NMT2: variants seen among roughly 807,000 people sequenced by gnomAD.
NMT2 encodes the protein glycylpeptide N-tetradecanoyltransferase 2.
NMT2 carries 35 observed loss-of-function variants against 65.4 expected under a neutral mutation model. That is an observed-to-expected ratio of 0.54 (90% CI 0.41 to 0.71). The LOEUF (loss-of-function observed/expected upper bound fraction) is 0.71. Ranked by LOEUF, NMT2 falls within the 30% of genes least tolerant of loss-of-function variation. NMT2 has a pLI of 0.00. For synonymous variants in NMT2, 226 were observed against 231.8 expected, an observed-to-expected ratio of 0.98 and a Z score of 0.23; for missense variants, 489 against 611.3, an observed-to-expected ratio of 0.80 and a Z score of 2.11.
intron 8 of NMT2, among the ~76,000 whole-genome samples, 178 bp from the exon 9 acceptor site, chr10:15,119,691 A>C (rs1845860271): frequency 6.6e-6 from 1 of 152,152 alleles, no homozygotes; most frequent in Non-Finnish European, 1.5e-5. Flanking sequence ...ACTCAACAAG[A>C]TTTCCTTGGG....
intron 1 of NMT2, chr10:15,154,869 A>C (rs755166599): frequency 1.2e-6 from 1 of 803,040 alleles, no homozygotes; most frequent in South Asian, 1.3e-5. Flanking sequence ...ATAGCGCTTC[A>C]TGGCCTCCAC....
intron 1 of NMT2, among the ~76,000 whole-genome samples, chr10:15,168,083 G>A (rs955370382): frequency 7.2e-5 from 11 of 152,296 alleles, no homozygotes; most frequent in Middle Eastern, 3.4e-3. Flanking sequence ...AACAAGGATG[G>A]CAGGGAGCAG....
intron 1 of NMT2, among the ~76,000 whole-genome samples, chr10:15,159,852 G>A (rs555179045): frequency 6.6e-6 from 1 of 152,318 alleles, no homozygotes; most frequent in African/African-American, 2.4e-5. Flanking sequence ...CCACAGCTTG[G>A]GGCAGGAGAA....
At chr10:15,140,813 A>G (rs937758429) in intron 2 of NMT2, among the ~76,000 whole-genome samples, 15 of 152,216 alleles carry the variant, frequency 9.9e-5, no homozygotes, top group African/African-American at 3.4e-4. Context: ...CCAGACACCC[A>G]CGCAGTACAA....
intron 1 of NMT2, among the ~76,000 whole-genome samples, 195 bp from the exon 2 acceptor site, chr10:15,141,752 C>A (rs1846776212): frequency 1.3e-5 from 2 of 152,168 alleles, no homozygotes; most frequent in African/African-American, 4.8e-5. Context: ...ATACCAGCCC[C>A]CGCTCAGTCA....
At chr10:15,128,540 A>C in intron 7 of NMT2, 82 bp from the exon 8 acceptor site, 1 of 855,010 alleles carries the variant, frequency 1.2e-6, no homozygotes, top group Admixed American at 2.0e-5. Flanking sequence ...TGGCTGTTAC[A>C]TAAGCATTTA....
At chr10:15,137,368 C>T (rs1279564483) in intron 2 of NMT2, among the ~76,000 whole-genome samples, 1 of 152,006 alleles carries the variant, frequency 6.6e-6, no homozygotes, top group Non-Finnish European at 1.5e-5. Context: ...ATTTGTTTAA[C>T]ATCAAAATCA....
chr10:15,129,907 CAAAAAAAAAA>C (rs753710829), intron 7 of NMT2, among the ~76,000 whole-genome samples: 25 of 57,204 alleles, frequency 4.4e-4, no homozygotes, highest in Non-Finnish European at 8.7e-4. Context: ...GAGTCTGCCT[CAAAAAAAAAA>C]AAAAAAAAAA....
chr10:15,134,936 T>C (rs1263623624), intron 3 of NMT2, among the ~76,000 whole-genome samples: 1 of 152,076 alleles, frequency 6.6e-6, no homozygotes, highest in Non-Finnish European at 1.5e-5. Context: ...CAGTGAGCTA[T>C]GATCATGCCA....
At chr10:15,128,713 A>C (rs1306642060) in intron 7 of NMT2, among the ~76,000 whole-genome samples, 2 of 152,218 alleles carry the variant, frequency 1.3e-5, no homozygotes, top group Admixed American at 1.3e-4. Flanking sequence ...CTGCAAAGGA[A>C]ATATTAGTTG....
intron 8 of NMT2, among the ~76,000 whole-genome samples, chr10:15,122,580 C>T (rs1314246441): frequency 1.3e-5 from 2 of 152,128 alleles, no homozygotes; most frequent in African/African-American, 4.8e-5. Context: ...CCACCACGCC[C>T]AGCTAATTTT....
At chr10:15,141,903 A>T (rs759081195) in intron 1 of NMT2, among the ~76,000 whole-genome samples, 8 of 152,244 alleles carry the variant, frequency 5.3e-5, no homozygotes, top group Non-Finnish European at 1.2e-4. Flanking sequence ...GAGATACATG[A>T]TATGAAAAAC....
chr10:15,131,163 A>C (rs964888208), intron 6 of NMT2, among the ~76,000 whole-genome samples: 3 of 152,146 alleles, frequency 2.0e-5, no homozygotes, highest in African/African-American at 7.2e-5. Context: ...ATTCAGACGG[A>C]AACACTATTC....
chr10:15,149,683 C>T (rs1297664817), intron 1 of NMT2, among the ~76,000 whole-genome samples: 1 of 152,010 alleles, frequency 6.6e-6, no homozygotes, highest in African/African-American at 2.4e-5. Flanking sequence ...CTACAGATAT[C>T]AACTTTGTAA....
At chr10:15,115,610 C>T (rs932635516) in intron 9 of NMT2, among the ~76,000 whole-genome samples, 1 of 152,160 alleles carries the variant, frequency 6.6e-6, no homozygotes, top group Non-Finnish European at 1.5e-5. Flanking sequence ...CCAATAATCA[C>T]CTTTTATGTA....
chr10:15,133,163 G>C lies in NMT2; in HGVS notation c.511-19C>G. The C allele has an allele frequency of 6.2e-7, 1 of 1,605,326 alleles. No homozygotes were observed. Among genetic ancestry groups the C allele is most frequent in the East Asian group, 2.2e-5 (1 of 44,862 alleles). On this transcript the variant is annotated intron_variant, in intron 4 of 11. Coordinates refer to ENST00000378165, the MANE Select transcript of NMT2 (RefSeq NM_004808.3). ...CCTTGAGCTATAAGATAAAACAAGT[G>C]TCCTATCCATGGTGCTCAGAATCAA...
chr10:15,157,521 G>A (rs1406452440), intron 1 of NMT2, among the ~76,000 whole-genome samples: 1 of 152,164 alleles, frequency 6.6e-6, no homozygotes, highest in Non-Finnish European at 1.5e-5. Flanking sequence ...GATGCTGGGG[G>A]CAGGGGGCAG....
intron 1 of NMT2, among the ~76,000 whole-genome samples, chr10:15,150,517 G>A (rs1262045632): frequency 1.3e-5 from 2 of 152,140 alleles, no homozygotes; most frequent in African/African-American, 4.8e-5. Flanking sequence ...TCATGGGTCT[G>A]GTAGCTTCAA....
rs72638785 is a variant in NMT2 at position 15,160,306 on chromosome 10, G to C, written c.110+8197C>G. 5.9e-5 allele frequency among the ~76,000 whole-genome samples: 9 copies of C among 152,274 alleles called. No individual in the cohort carries two copies. In the East Asian group the frequency reaches 1.7e-3, roughly 29 times the overall value. ...GAGACACAGAACTGAAGATAACCGTGTTCCACCCAAGGTCAAATGTTGAAG... is the reference window on the plus strand; with the variant it reads ...GAGACACAGAACTGAAGATAACCGTCTTCCACCCAAGGTCAAATGTTGAAG... On this transcript the variant is annotated intron_variant, in intron 1 of 11. Coordinates refer to ENST00000378165, the MANE Select transcript of NMT2 (RefSeq NM_004808.3).
Sources: allele counts gnomAD v4.1 joint callset (sites outside exome capture counted in the v4.1 genomes callset), GRCh38; gene constraint gnomAD v4.1.1; transcripts MANE v1.5; gene names NCBI Gene and HGNC (gene_info 2026-07-23, HGNC 2026-07-21).